Variants in MAP3K13 observed in about 807,000 individuals in gnomAD.
MAP3K13 encodes the protein leucine zipper-bearing kinase.
MAP3K13 carries 52 observed loss-of-function variants against 104.0 expected under a neutral mutation model. The observed-to-expected ratio is 0.50, with a 90% CI of 0.40 to 0.63. The LOEUF is 0.63. Ranked by LOEUF, MAP3K13 falls within the 20% of genes least tolerant of loss-of-function variation. The pLI, the probability that MAP3K13 is intolerant of heterozygous loss-of-function variation, is 0.00. For synonymous variants in MAP3K13, 394 were observed against 442.2 expected (o/e 0.89, Z 1.37); for missense variants, 914 against 1,218.5 (o/e 0.75, Z 3.72).
chr3:185,312,182 G>A (rs1031513389), intron 2 of MAP3K13, among the ~76,000 whole-genome samples: 2 of 149,540 alleles, frequency 1.3e-5, no homozygotes, highest in African/African-American at 4.8e-5. Context: ...TTTGCCCCAG[G>A]CTGCAAGCCA....
intron 2 of MAP3K13, among the ~76,000 whole-genome samples, chr3:185,335,861 T>C (rs1235283663): frequency 6.6e-6 from 1 of 152,158 alleles, no homozygotes; most frequent in East Asian, 1.9e-4. Flanking sequence ...TGTACTGGCT[T>C]GGCCTGCTCA....
At chr3:185,293,642 C>T (rs866744218) in intron 2 of MAP3K13, among the ~76,000 whole-genome samples, 1 of 152,170 alleles carries the variant, frequency 6.6e-6, no homozygotes, top group Non-Finnish European at 1.5e-5. Flanking sequence ...CCAGGCTGGT[C>T]TTGAACTCCT....
intron 2 of MAP3K13, among the ~76,000 whole-genome samples, chr3:185,334,876 T>C (rs1473048899): frequency 6.6e-6 from 1 of 152,182 alleles, no homozygotes; most frequent in Non-Finnish European, 1.5e-5. Context: ...CCCAAAGTGC[T>C]GGGATTACAG....
chr3:185,400,655 G>A (rs186186078), intron 1 of MAP3K13, among the ~76,000 whole-genome samples: 1 of 152,252 alleles, frequency 6.6e-6, no homozygotes, highest in African/African-American at 2.4e-5. Flanking sequence ...CTGATGTGAG[G>A]ACGTCTATAA....
At chr3:185,324,033 C>T (rs953125942) in intron 2 of MAP3K13, among the ~76,000 whole-genome samples, 11 of 151,924 alleles carry the variant, frequency 7.2e-5, no homozygotes, top group East Asian at 1.9e-4. Context: ...TTTTTTGAGA[C>T]GGAGTCTTGC....
Position 185,474,000 on chromosome 3 carries a change from TATA to T in MAP3K13, c.2430+244_2430+246del, listed in dbSNP as rs1284664364. On this transcript the variant is annotated intron_variant, in intron 11 of 13. Transcript: ENST00000265026. This position sits in a 1 kb window ranked among gnomAD's most constrained non-coding sequence, Gnocchi z 4.9. ...ACCAGAGGACTGAGTCAAGTGTATG[TATA>T]ATAACTTATTTATAGATAACTATAT... 6.6e-6 allele frequency among the ~76,000 whole-genome samples: 1 copy of T among 152,186 alleles called. No homozygotes were observed. Among genetic ancestry groups the T allele is most frequent in the African/African-American group, 2.4e-5 (1 of 41,450 alleles).
At chr3:185,379,235 C>T (rs999368213) in intron 1 of MAP3K13, among the ~76,000 whole-genome samples, 4 of 152,138 alleles carry the variant, frequency 2.6e-5, no homozygotes, top group Admixed American at 6.5e-5. Context: ...GAGGCATCCC[C>T]GCAGTGATTA....
intron 2 of MAP3K13, among the ~76,000 whole-genome samples, chr3:185,345,043 A>G (rs539685626): frequency 6.6e-6 from 1 of 151,978 alleles, no homozygotes; most frequent in Non-Finnish European, 1.5e-5. Context: ...TTGTATTGTT[A>G]GTAAAGACAG....
chr3:185,305,291 T>G (rs1433072126), intron 2 of MAP3K13, among the ~76,000 whole-genome samples: 1 of 152,214 alleles, frequency 6.6e-6, no homozygotes, highest in Non-Finnish European at 1.5e-5. Context: ...AAAGGTATTT[T>G]CTTGGTGTTT....
intron 7 of MAP3K13, among the ~76,000 whole-genome samples, chr3:185,452,516 C>T (rs976351025): frequency 7.2e-5 from 11 of 152,198 alleles, no homozygotes; most frequent in African/African-American, 2.7e-4. Flanking sequence ...GGATTACAGG[C>T]ATGAGCCATT....
At chr3:185,451,104 A>C (rs1355817441) in intron 6 of MAP3K13, among the ~76,000 whole-genome samples, 183 bp from the exon 7 acceptor site, 3 of 152,228 alleles carry the variant, frequency 2.0e-5, no homozygotes, top group African/African-American at 4.8e-5. Flanking sequence ...AAAAGAAAAA[A>C]AGAAATGTTA....
At chr3:185,433,986 A>G (rs1224816366) in intron 2 of MAP3K13, among the ~76,000 whole-genome samples, 1 of 62,222 alleles carries the variant, frequency 1.6e-5, no homozygotes, top group African/African-American at 3.3e-5. Flanking sequence ...TGTGGAAAAA[A>G]ATAATTTATA....
intron 2 of MAP3K13, among the ~76,000 whole-genome samples, chr3:185,297,124 T>G (rs1257785979): frequency 6.6e-6 from 1 of 152,186 alleles, no homozygotes; most frequent in Non-Finnish European, 1.5e-5. Context: ...TAAGACATTG[T>G]GCAGTTACTC....
intron 2 of MAP3K13, among the ~76,000 whole-genome samples, chr3:185,312,054 G>A (rs1391975657): frequency 6.6e-6 from 1 of 152,246 alleles, no homozygotes; most frequent in African/African-American, 2.4e-5. Context: ...TAGCCACTGT[G>A]TCTTTGGTAT....
At chr3:185,378,543 A>T (rs1467258087) in intron 1 of MAP3K13, among the ~76,000 whole-genome samples, 4 of 152,054 alleles carry the variant, frequency 2.6e-5, no homozygotes, top group African/African-American at 9.7e-5. Context: ...TGATAGAAGG[A>T]TTATAGGGTC....
chr3:185,448,710 A>AG (rs1715722519), intron 5 of MAP3K13, among the ~76,000 whole-genome samples: 2 of 152,206 alleles, frequency 1.3e-5, no homozygotes, highest in Admixed American at 1.3e-4. Context: ...GAAATATGTA[A>AG]GAGTGTTTTC....
intron 2 of MAP3K13, among the ~76,000 whole-genome samples, chr3:185,286,116 C>A (rs189196401): frequency 7.9e-5 from 12 of 151,962 alleles, no homozygotes; most frequent in Admixed American, 7.9e-4. Context: ...CTTTATTCTG[C>A]CTTATTTATA....
Position 185,463,613 on chromosome 3 carries a change from C to A in MAP3K13, c.1342C>A (p.His448Asn). 3.7e-6 allele frequency: 6 copies of A among 1,613,274 alleles called. No individual in the cohort carries two copies. Among genetic ancestry groups the A allele is most frequent in the Non-Finnish European group, 5.1e-6 (6 of 1,179,368 alleles). ...GATCAAAAGTGAAGGAACTTGTATA[C>A]ACCGGTTAGATGAAGAACTGATTCG... is the stretch of plus-strand genomic sequence containing the variant. ...EKIKSEGTCIHRLDEELIRRR... is the reference protein window; with the variant it reads ...EKIKSEGTCINRLDEELIRRR... The change falls in exon 8 of 14, where the codon CAC becomes AAC. Residue 448 changes from histidine (H) to asparagine (N), a missense_variant. His to Asn is a moderately conservative substitution (Grantham distance 68). Coordinates refer to ENST00000265026, the MANE Select transcript of MAP3K13 (RefSeq NM_004721.5).
chr3:185,432,544 T>C lies in MAP3K13; in HGVS notation c.475+3488T>C, dbSNP rs570442150. On this transcript the variant is annotated intron_variant, in intron 2 of 13. Transcript: ENST00000265026. Reference sequence around the variant, plus strand: ...TTCTTTGGTTGGACACAAAACCTACTGATAGCTGCATAAGTGATCGAGTAC... The same window carrying C: ...TTCTTTGGTTGGACACAAAACCTACCGATAGCTGCATAAGTGATCGAGTAC... 6.3e-4 allele frequency among the ~76,000 whole-genome samples: 95 copies of C among 151,952 alleles called. No homozygotes were observed. The Middle Eastern group carries it at 0.01, about 16-fold the overall frequency.
Sources: allele counts gnomAD v4.1 joint callset (sites outside exome capture counted in the v4.1 genomes callset), GRCh38; gene constraint gnomAD v4.1.1; non-coding constraint Gnocchi (gnomAD v3.1); transcripts MANE v1.5; gene names NCBI Gene and HGNC (gene_info 2026-07-23, HGNC 2026-07-21).